Variants in USP15 observed in about 807,000 individuals in gnomAD.
The protein encoded by USP15 is ubiquitin specific peptidase 15.
In USP15, 18 loss-of-function variants were observed where a neutral mutation model predicts 127.1. The ratio of observed to expected loss-of-function variants is 0.14; its 90% CI spans 0.10 to 0.21. The LOEUF is 0.21. Ranked by LOEUF, USP15 falls within the 10% of genes least tolerant of loss-of-function variation. The pLI is 1.00. For missense variants in USP15, 805 were observed against 1,159.9 expected (o/e 0.69, Z 4.44); for synonymous variants, 364 against 393.7 (o/e 0.92, Z 0.89).
At chr12:62,324,511 C>T (rs2065075204) in intron 5 of USP15, among the ~76,000 whole-genome samples, 1 of 151,836 alleles carries the variant, frequency 6.6e-6, no homozygotes, top group Admixed American at 6.6e-5. Flanking sequence ...AAAAATCACT[C>T]TCTAAATTCT....
At chr12:62,273,768 C>T (rs989159351) in intron 1 of USP15, among the ~76,000 whole-genome samples, 13 of 151,876 alleles carry the variant, frequency 8.6e-5, no homozygotes, top group Non-Finnish European at 1.6e-4. Context: ...TATAGGCATG[C>T]GTGTGAACAT....
intron 6 of USP15, chr12:62,335,448 G>C: frequency 1.5e-6 from 2 of 1,338,754 alleles, no homozygotes; most frequent in Admixed American, 3.6e-5. Flanking sequence ...TTAGCTCTCT[G>C]ATCACCTTAC....
intron 11 of USP15, among the ~76,000 whole-genome samples, chr12:62,388,806 T>G (rs1055772919): frequency 6.6e-6 from 1 of 152,016 alleles, no homozygotes; most frequent in Non-Finnish European, 1.5e-5. Context: ...AAGCAAGAAG[T>G]AGTGGTTAGA....
intron 1 of USP15, among the ~76,000 whole-genome samples, chr12:62,267,938 A>G (rs2063237499): frequency 6.6e-6 from 1 of 152,088 alleles, no homozygotes; most frequent in African/African-American, 2.4e-5. Flanking sequence ...TAGTCAAGAG[A>G]TTTGCCTTTG....
chr12:62,390,937 A>G lies in USP15; in HGVS notation c.1918A>G (p.Asn640Asp), dbSNP rs1328072420. 6.2e-7 allele frequency: 1 copy of G among 1,612,954 alleles called. No homozygotes were observed. Among genetic ancestry groups the G allele is most frequent in the Non-Finnish European group, 8.5e-7 (1 of 1,179,374 alleles). Residue 640 changes from asparagine (N) to aspartate (D), a missense_variant, in exon 15 of 22, where the codon AAT becomes GAT. Around this residue, in one of 11 missense-constraint regions of USP15, gnomAD observed 225 missense variants for 239.5 expected, o/e 0.94. Transcript: ENST00000280377. Reference sequence around the variant, plus strand: ...ACACTGCTGTAAGGACCAAAATATTAATGGGAATGGCCCAAATGGCATACA... The same window carrying G: ...ACACTGCTGTAAGGACCAAAATATTGATGGGAATGGCCCAAATGGCATACA... ...SLHCCKDQNI[N>D]GNGPNGIHEE...
intron 1 of USP15, among the ~76,000 whole-genome samples, chr12:62,272,288 G>A (rs950537428): frequency 6.6e-6 from 1 of 151,858 alleles, no homozygotes; most frequent in East Asian, 1.9e-4. Context: ...ATTGGATTAG[G>A]CTGAGATTTT....
rs1394492094 is a variant in USP15 at position 62,355,508 on chromosome 12, T to C, written c.915+33T>C. On this transcript the variant is annotated intron_variant, in intron 8 of 21. Transcript: ENST00000280377. ...TTTGTAAACAAAATGAAACTCATGT[T>C]TCATGGAAATCTGTAATACAAGAAG... is the stretch of plus-strand genomic sequence containing the variant. The C allele has an allele frequency of 3.2e-6, 5 of 1,553,720 alleles. No individual in the cohort carries two copies. In the African/African-American group the frequency reaches 5.5e-5, roughly 17 times the overall value.
intron 6 of USP15, among the ~76,000 whole-genome samples, chr12:62,341,236 A>T (rs2065638481): frequency 6.7e-6 from 1 of 150,048 alleles, no homozygotes; most frequent in African/African-American, 2.5e-5. Flanking sequence ...CTTGGTAAGT[A>T]CTCCTCCAAC....
chr12:62,310,888 C>CTGT (rs1379396273), intron 3 of USP15, among the ~76,000 whole-genome samples: 2 of 151,930 alleles, frequency 1.3e-5, no homozygotes, highest in Non-Finnish European at 2.9e-5. Flanking sequence ...TCGCTAACAT[C>CTGT]TGTTGTCTTT....
intron 7 of USP15, among the ~76,000 whole-genome samples, chr12:62,351,391 A>G (rs934290478): frequency 6.6e-6 from 1 of 150,876 alleles, no homozygotes; most frequent in Non-Finnish European, 1.5e-5. Flanking sequence ...TAGATAAAAT[A>G]TTACTTATGA....
At chr12:62,308,897 G>A (rs2064568274) in intron 3 of USP15, among the ~76,000 whole-genome samples, 1 of 151,846 alleles carries the variant, frequency 6.6e-6, no homozygotes, top group South Asian at 2.1e-4. Context: ...TAATCCTTGA[G>A]GCAAAGAGAA....
intron 20 of USP15, 143 bp from the exon 21 acceptor site, chr12:62,401,044 A>G: frequency 4.5e-6 from 2 of 448,104 alleles, no homozygotes; most frequent in South Asian, 5.4e-5. Flanking sequence ...AATCATTTGA[A>G]TCAATTGAAT....
At chr12:62,353,450 A>G (rs957654279) in intron 7 of USP15, among the ~76,000 whole-genome samples, 3 of 151,930 alleles carry the variant, frequency 2.0e-5, no homozygotes, top group African/African-American at 7.2e-5. Context: ...GAGCATGTAA[A>G]TGTGCTTTTA....
chr12:62,348,684 G>T (rs1021790008), intron 6 of USP15, among the ~76,000 whole-genome samples: 2 of 152,112 alleles, frequency 1.3e-5, no homozygotes, highest in Admixed American at 1.3e-4. Context: ...AATTAATAAG[G>T]TATGTATACT....
In USP15 at chr12:62,415,317, A is replaced by T. The variant is rs978190699; in HGVS notation, c.*10942A>T. The T allele has an allele frequency of 1.7e-4, 26 of 152,230 alleles. No individual in the cohort carries two copies. The highest frequency in any genetic ancestry group is 5.8e-4 in the African/African-American group (24 of 41,464). The allele number at this position is 152,230 out of a possible 1,614,324, so 9.4% of individuals were successfully genotyped here. A position where few individuals can be genotyped will look rare whatever the true frequency, so the allele number is the denominator to read the frequency against. The stretch of plus-strand genomic sequence containing the variant: ...CCTTTTTTGTTCTATTCAGGCCTTC[A>T]ATTCATGAGAGCCACCAACATTAGA... On this transcript the variant is annotated 3_prime_UTR_variant, in exon 22 of 22. Transcript: ENST00000280377.
chr12:62,411,833 A>AG lies in USP15; in HGVS notation c.*7460dup, dbSNP rs1592759109. On this transcript the variant is annotated 3_prime_UTR_variant, in exon 22 of 22. Transcript: ENST00000280377. ...TCACTGTGTTCTTGCATGGTAGCAG[A>AG]GGAGGGTCAGAGAGGAGAGCAAGCT... 1.3e-5 allele frequency: 2 copies of AG among 152,400 alleles called. No individual in the cohort carries two copies. The allele number at this position is 152,400 out of a possible 1,614,324, so 9.4% of individuals were successfully genotyped here. A position where few individuals can be genotyped will look rare whatever the true frequency, so the allele number is the denominator to read the frequency against.
rs1363718463 is a variant in USP15 at position 62,390,888 on chromosome 12, A to C, written c.1869A>C (p.Glu623Asp). 1 of 1,611,638 alleles carries C rather than the reference A, an allele frequency of 6.2e-7. No individual in the cohort carries two copies. Among genetic ancestry groups the C allele is most frequent in the Non-Finnish European group, 8.5e-7 (1 of 1,178,542 alleles). Reference sequence around the variant, plus strand: ...GCCGATATGTCAAAATATCTACTGAAACTGAAGAAACTGAAGGATCCCTAC... The same window carrying C: ...GCCGATATGTCAAAATATCTACTGACACTGAAGAAACTGAAGGATCCCTAC... ...RMCRYVKIST[E>D]TEETEGSLHC... is the part of the protein sequence containing the mutation. Residue 623 changes from glutamate to aspartate, a missense_variant, in exon 15 of 22, where the codon GAA (glutamate) becomes GAC (aspartate). Transcript: ENST00000280377.
At chr12:62,276,907 A>G (rs1368507015) in intron 1 of USP15, among the ~76,000 whole-genome samples, 1 of 152,128 alleles carries the variant, frequency 6.6e-6, no homozygotes, top group Non-Finnish European at 1.5e-5. Context: ...TTTGCTGTGT[A>G]TATTTTGTCC....
intron 8 of USP15, among the ~76,000 whole-genome samples, chr12:62,378,246 A>T (rs1190910504): frequency 6.6e-6 from 1 of 152,066 alleles, no homozygotes; most frequent in East Asian, 1.9e-4. Flanking sequence ...TCCTAATGGT[A>T]TTTTCAAGAT....
Sources: allele counts gnomAD v4.1 joint callset (sites outside exome capture counted in the v4.1 genomes callset), GRCh38; gene constraint gnomAD v4.1.1; regional missense constraint gnomAD v4.1.1; transcripts MANE v1.5; gene names NCBI Gene and HGNC (gene_info 2026-07-23, HGNC 2026-07-21).